The following SLC30A9 variants were observed in gnomAD, a reference collection of about 807,000 sequenced individuals.
SLC30A9 encodes proton-coupled zinc antiporter SLC30A9, mitochondrial.
SLC30A9 carries 58 observed loss-of-function variants against 87.5 expected under a neutral mutation model. That is an observed-to-expected ratio of 0.66 (90% CI 0.54 to 0.82). The LOEUF is 0.82. Ranked by LOEUF, SLC30A9 falls within the 40% of genes least tolerant of loss-of-function variation. SLC30A9 has a pLI of 0.00. For missense variants in SLC30A9, 557 were observed against 679.1 expected (o/e 0.82, Z 2.00); for synonymous variants, 234 against 233.0 (o/e 1.00, Z -0.04).
chr4:42,023,384 A>G lies in SLC30A9; in HGVS notation c.610A>G (p.Arg204Gly). Residue 204 changes from arginine (R) to glycine (G), a missense_variant and splice_region_variant, in exon 6 of 18, where the codon AGG (arginine) becomes GGG (glycine). Transcript: ENST00000264451. ...RKEAEIEYRE[R>G]LFRNQKILRE... ...GGAAGCAGAAATAGAATACAGAGAA[A>G]GTAAGTATATTCAATTTAAAGTCAA... The G allele has an allele frequency of 6.4e-7, 1 of 1,569,190 alleles. No homozygotes were observed. Among genetic ancestry groups the G allele is most frequent in the Non-Finnish European group, 8.8e-7 (1 of 1,139,066 alleles).
intron 3 of SLC30A9, chr4:42,018,400 A>C (rs1311895125): frequency 7.7e-7 from 1 of 1,304,826 alleles, no homozygotes; most frequent in East Asian, 4.4e-5. Flanking sequence ...CCAAGAAAGG[A>C]ATAATGGCAA....
rs558509884 is a variant in SLC30A9 at position 41,994,695 on chromosome 4, C to T, written c.109+3935C>T. On this transcript the variant is annotated intron_variant, in intron 1 of 17. Coordinates refer to ENST00000264451, the MANE Select transcript of SLC30A9 (RefSeq NM_006345.4). ...GTATTGACAGTTACAAAAGACCAGT[C>T]TGGCCAACATCGTGAAACCTCATCT... is the stretch of plus-strand genomic sequence containing the variant. Among the ~76,000 whole-genome samples the T allele has an allele frequency of 1.8e-3, 266 of 151,446 alleles. 1 individual carries two copies. The highest frequency in any genetic ancestry group is 1.7e-3 in the Non-Finnish European group (116 of 67,908).
chr4:42,060,169 C>CT, intron 9 of SLC30A9, 22 bp from the exon 10 acceptor site: 1 of 1,594,096 alleles, frequency 6.3e-7, no homozygotes, highest in Non-Finnish European at 8.6e-7. Context: ...GATTATTCAC[C>CT]TTTTTTTCTT....
intron 9 of SLC30A9, among the ~76,000 whole-genome samples, chr4:42,057,995 G>A (rs924331634): frequency 3.4e-4 from 52 of 151,626 alleles, no homozygotes; most frequent in African/African-American, 1.0e-3. Context: ...CCAGCTACTC[G>A]GGAGGCTGAG....
chr4:41,990,817 G>A (rs1185032028), intron 1 of SLC30A9, 57 bp downstream of exon 1: 2 of 1,307,684 alleles, frequency 1.5e-6, no homozygotes, highest in Non-Finnish European at 2.2e-6. Context: ...GGGCCAGGCT[G>A]GGCTCGGCGC....
intron 7 of SLC30A9, among the ~76,000 whole-genome samples, chr4:42,036,021 T>C (rs1716663921): frequency 6.6e-6 from 1 of 152,168 alleles, no homozygotes; most frequent in Non-Finnish European, 1.5e-5. Context: ...GCTTAGCCCT[T>C]GGAGAAGAAA....
intron 17 of SLC30A9, among the ~76,000 whole-genome samples, chr4:42,083,065 C>T (rs1039436738): frequency 3.3e-5 from 5 of 152,088 alleles, no homozygotes; most frequent in African/African-American, 9.7e-5. Context: ...CCTATCCCTC[C>T]ATTAAGTTTT....
chr4:42,048,258 A>T (rs1717250418), intron 8 of SLC30A9, among the ~76,000 whole-genome samples: 1 of 152,230 alleles, frequency 6.6e-6, no homozygotes, highest in South Asian at 2.1e-4. Context: ...GTTTAAAAAA[A>T]GAAGAAAATA....
At chr4:42,009,307 A>G (rs1168148092) in intron 2 of SLC30A9, among the ~76,000 whole-genome samples, 1 of 152,222 alleles carries the variant, frequency 6.6e-6, no homozygotes, top group East Asian at 1.9e-4. Flanking sequence ...AGTGCAAGTA[A>G]TTGCTTGATT....
chr4:42,047,276 T>G (rs1289254112), intron 8 of SLC30A9, among the ~76,000 whole-genome samples: 1 of 152,084 alleles, frequency 6.6e-6, no homozygotes, highest in Non-Finnish European at 1.5e-5. Flanking sequence ...AATAAACTAT[T>G]ATCCGAGTGA....
intron 8 of SLC30A9, among the ~76,000 whole-genome samples, chr4:42,047,267 A>G (rs1378087409): frequency 6.6e-6 from 1 of 152,272 alleles, no homozygotes; most frequent in Non-Finnish European, 1.5e-5. Flanking sequence ...GCACAGCAAA[A>G]TAAACTATTA....
chr4:42,070,545 C>T lies in SLC30A9; in HGVS notation c.1272C>T (p.Ser424=), dbSNP rs1418504771. ...TSITGNPLYD[S]LGSLGVGTLL... Reference sequence around the variant, plus strand: ...ATTTAGGCAATCCACTGTATGACAGCCTAGGTTCTTTGGGTGTGGGCACCT... The same window carrying T: ...ATTTAGGCAATCCACTGTATGACAGTCTAGGTTCTTTGGGTGTGGGCACCT... The change falls in exon 15 of 18, where the codon AGC becomes AGT. Residue 424 remains serine (S), a synonymous_variant. Transcript: ENST00000264451. 13 of 1,612,754 alleles carry T rather than the reference C, an allele frequency of 8.1e-6. No homozygotes were observed. The Admixed American group carries it at 1.8e-4, about 23-fold the overall frequency.
intron 2 of SLC30A9, among the ~76,000 whole-genome samples, chr4:42,006,164 A>G (rs1715192933): frequency 6.6e-6 from 1 of 152,228 alleles, no homozygotes; most frequent in South Asian, 2.1e-4. Context: ...CATAGGTTAT[A>G]TGCAAATACT....
At chr4:42,069,109 G>A (rs978746875) in intron 14 of SLC30A9, among the ~76,000 whole-genome samples, 1 of 152,074 alleles carries the variant, frequency 6.6e-6, no homozygotes, top group Non-Finnish European at 1.5e-5. Context: ...TTGTTTTTCT[G>A]GTTGACCATA....
intron 8 of SLC30A9, among the ~76,000 whole-genome samples, chr4:42,040,753 G>A (rs947611500): frequency 7.6e-5 from 11 of 144,764 alleles, no homozygotes; most frequent in African/African-American, 2.3e-4. Flanking sequence ...CCAAGATTGC[G>A]CCACTGCACT....
At chr4:42,053,582 G>A (rs76587701) in intron 9 of SLC30A9, among the ~76,000 whole-genome samples, 12 of 151,344 alleles carry the variant, frequency 7.9e-5, no homozygotes, top group Middle Eastern at 3.5e-3. Context: ...CCAGCTACTC[G>A]GGAGGCTAAG....
At chr4:41,998,152 A>T (rs1173684565) in intron 1 of SLC30A9, among the ~76,000 whole-genome samples, 1 of 152,226 alleles carries the variant, frequency 6.6e-6, no homozygotes, top group African/African-American at 2.4e-5. Flanking sequence ...GAGAGAGGAC[A>T]AGTAGTGATC....
chr4:42,071,390 C>G (rs1226969674), intron 15 of SLC30A9, among the ~76,000 whole-genome samples: 1 of 151,966 alleles, frequency 6.6e-6, no homozygotes, highest in Non-Finnish European at 1.5e-5. Flanking sequence ...TAAGTTAAAT[C>G]TTTTTAAAAT....
intron 2 of SLC30A9, among the ~76,000 whole-genome samples, chr4:42,013,555 A>C (rs1715544772): frequency 6.6e-6 from 1 of 152,144 alleles, no homozygotes; most frequent in Non-Finnish European, 1.5e-5. Flanking sequence ...CACATAAACC[A>C]ATGGAACAGA....
Sources: gnomAD v4.1 joint callset for allele counts (sites outside exome capture counted in the v4.1 genomes callset) on GRCh38, gnomAD v4.1.1 for gene constraint, MANE v1.5 for transcripts, NCBI Gene and HGNC (gene_info 2026-07-23, HGNC 2026-07-21) for gene names.